Variants in CDK14 observed in about 807,000 individuals in gnomAD.
CDK14 encodes cyclin-dependent kinase 14.
A neutral mutation model predicts 60.7 loss-of-function variants in CDK14; 34 were observed. That is an observed-to-expected ratio of 0.56 (90% confidence interval 0.43 to 0.75). The LOEUF (loss-of-function observed/expected upper bound fraction) is 0.75. Ranked by LOEUF, CDK14 falls within the 30% of genes least tolerant of loss-of-function variation. CDK14 has a pLI of 0.00. For synonymous variants in CDK14, 197 were observed against 203.7 expected, an observed-to-expected ratio of 0.97 and a Z score of 0.28; for missense variants, 482 against 564.1, an observed-to-expected ratio of 0.85 and a Z score of 1.47.
intron 14 of CDK14, among the ~76,000 whole-genome samples, chr7:91,179,505 TAA>T (rs71107809): frequency 6.8e-6 from 1 of 147,502 alleles, no homozygotes; most frequent in African/African-American, 2.5e-5. Context: ...AAAGTATAAT[TAA>T]AAAAAAAAAA....
intron 2 of CDK14, among the ~76,000 whole-genome samples, chr7:90,718,167 A>T (rs1400230513): frequency 6.6e-6 from 1 of 152,054 alleles, no homozygotes; most frequent in African/African-American, 2.4e-5. Flanking sequence ...ACTGCTGTGG[A>T]AATGCTGCAC....
chr7:91,091,759 AAGGAAGTAAG>A, intron 12 of CDK14, among the ~76,000 whole-genome samples: 1 of 35,412 alleles, frequency 2.8e-5, no homozygotes, highest in Non-Finnish European at 6.1e-5. Flanking sequence ...GGAAGGAAGG[AAGGAAGTAAG>A]TTATTTTAAG....
chr7:91,209,374 A>G lies in CDK14; in HGVS notation c.*2238A>G, dbSNP rs527930929. On this transcript the variant is annotated 3_prime_UTR_variant, in exon 15 of 15. Transcript: ENST00000380050. ...GAGTACCTATCCTTGCCACCCATAC[A>G]GGAAATCCAAAGTTTGGTGTCTCTC... The G allele has an allele frequency of 1.3e-5, 2 of 148,754 alleles. No homozygotes were observed. Among genetic ancestry groups the G allele is most frequent in the East Asian group, 4.0e-4 (2 of 4,962 alleles). The allele number at this position is 148,754 out of a possible 1,614,324, so 9.2% of individuals were successfully genotyped here. A position where few individuals can be genotyped will look rare whatever the true frequency, so the allele number is the denominator to read the frequency against.
chr7:90,733,436 A>T (rs1238073013), intron 3 of CDK14, among the ~76,000 whole-genome samples: 1 of 151,692 alleles, frequency 6.6e-6, no homozygotes, highest in Non-Finnish European at 1.5e-5. Flanking sequence ...AAAGTTTCCT[A>T]CTATTGTTTG....
chr7:90,880,350 T>C (rs1170282069), intron 6 of CDK14, among the ~76,000 whole-genome samples: 1 of 152,190 alleles, frequency 6.6e-6, no homozygotes, highest in Non-Finnish European at 1.5e-5. Flanking sequence ...GGCCCAGCCG[T>C]AACCCATCCT....
intron 12 of CDK14, among the ~76,000 whole-genome samples, chr7:91,094,063 T>C (rs1338617664): frequency 6.6e-6 from 1 of 152,084 alleles, no homozygotes; most frequent in Non-Finnish European, 1.5e-5. Context: ...CAAGCACCTG[T>C]TGGTTACTAT....
At chr7:90,759,441 A>C (rs1804226782) in intron 4 of CDK14, among the ~76,000 whole-genome samples, 1 of 152,216 alleles carries the variant, frequency 6.6e-6, no homozygotes, top group South Asian at 2.1e-4. Flanking sequence ...TGAGTATTGA[A>C]GTGGAATTGG....
At chr7:91,049,983 C>T (rs879515849) in intron 11 of CDK14, among the ~76,000 whole-genome samples, 2 of 151,984 alleles carry the variant, frequency 1.3e-5, no homozygotes, top group Non-Finnish European at 2.9e-5. Context: ...AGGAAGGCCT[C>T]CCTGAAAAGA....
chr7:91,069,670 A>C (rs1192727835), intron 11 of CDK14, among the ~76,000 whole-genome samples: 1 of 152,250 alleles, frequency 6.6e-6, no homozygotes, highest in Non-Finnish European at 1.5e-5. Flanking sequence ...AACTAATGTT[A>C]CTGAAGGATG....
At chr7:91,151,416 A>C (rs1800824419) in intron 14 of CDK14, among the ~76,000 whole-genome samples, 1 of 152,176 alleles carries the variant, frequency 6.6e-6, no homozygotes, top group Non-Finnish European at 1.5e-5. Flanking sequence ...TGCAAAACAT[A>C]ATTTCACCTG....
intron 2 of CDK14, among the ~76,000 whole-genome samples, chr7:90,610,786 C>T (rs1458050556): frequency 2.0e-5 from 3 of 152,196 alleles, no homozygotes; most frequent in Non-Finnish European, 4.4e-5. Flanking sequence ...AGGGGCTCAC[C>T]CTACTTCAGT....
chr7:90,987,331 T>TA (rs1448097375), intron 10 of CDK14, among the ~76,000 whole-genome samples: 2 of 152,066 alleles, frequency 1.3e-5, no homozygotes. Flanking sequence ...TTGCTCTTGT[T>TA]AGAGTACAGA....
chr7:90,718,759 TAGAGA>T (rs1360299448), intron 2 of CDK14, among the ~76,000 whole-genome samples: 2 of 152,052 alleles, frequency 1.3e-5, no homozygotes, highest in Admixed American at 1.3e-4. Flanking sequence ...AGGGAGAAAA[TAGAGA>T]AGACAGCAAG....
chr7:91,192,075 T>C (rs908782513), intron 14 of CDK14, among the ~76,000 whole-genome samples: 2 of 152,200 alleles, frequency 1.3e-5, no homozygotes, highest in Non-Finnish European at 2.9e-5. Flanking sequence ...CACAGAGCGA[T>C]ACCACATAAC....
At chr7:91,016,796 T>C (rs1301965089) in intron 10 of CDK14, among the ~76,000 whole-genome samples, 2 of 152,224 alleles carry the variant, frequency 1.3e-5, no homozygotes, top group Admixed American at 6.5e-5. Context: ...AGGAGTGATA[T>C]TTTTTCATAA....
chr7:91,182,984 A>G (rs535535527), intron 14 of CDK14, among the ~76,000 whole-genome samples: 1 of 152,330 alleles, frequency 6.6e-6, no homozygotes, highest in East Asian at 1.9e-4. Context: ...ATCCATTTAT[A>G]TGCAACAAGT....
intron 14 of CDK14, among the ~76,000 whole-genome samples, chr7:91,181,716 A>G (rs992290687): frequency 6.6e-6 from 1 of 152,058 alleles, no homozygotes; most frequent in African/African-American, 2.4e-5. Flanking sequence ...ATGTGTTTTG[A>G]TTTATTGCAG....
intron 2 of CDK14, among the ~76,000 whole-genome samples, chr7:90,652,413 A>G (rs185106599): frequency 6.6e-6 from 1 of 152,166 alleles, no homozygotes; most frequent in Admixed American, 6.5e-5. Flanking sequence ...ACGCCTTTCT[A>G]CTTTTATTAG....
chr7:90,748,899 A>ATT (rs1803699997), intron 4 of CDK14, among the ~76,000 whole-genome samples: 2 of 152,300 alleles, frequency 1.3e-5, no homozygotes, highest in South Asian at 2.1e-4. Flanking sequence ...AGATTAGAAT[A>ATT]TTGTAACTTA....
Sources: gnomAD v4.1 joint callset for allele counts (sites outside exome capture counted in the v4.1 genomes callset) on GRCh38, gnomAD v4.1.1 for gene constraint, MANE v1.5 for transcripts, NCBI Gene and HGNC (gene_info 2026-07-23, HGNC 2026-07-21) for gene names.